The following OSBPL3 variants were observed in gnomAD, a reference collection of about 807,000 sequenced individuals.
The protein encoded by OSBPL3 is oxysterol-binding protein-related protein 3.
OSBPL3 carries 65 observed loss-of-function variants against 120.1 expected under a neutral mutation model. That is an observed-to-expected ratio of 0.54 (90% CI 0.44 to 0.67). The LOEUF is 0.67. Ranked by LOEUF, OSBPL3 falls within the 30% of genes least tolerant of loss-of-function variation. OSBPL3 has a pLI of 0.00. For synonymous variants in OSBPL3, 416 were observed against 402.6 expected (o/e 1.03, Z -0.40); for missense variants, 1,004 against 1,082.1 (o/e 0.93, Z 1.01).
chr7:24,917,394 T>TATATATATATATATATATATATATATATA (rs1809728645), intron 1 of OSBPL3, among the ~76,000 whole-genome samples: 1 of 92,690 alleles, frequency 1.1e-5, no homozygotes, highest in African/African-American at 4.2e-5. Flanking sequence ...TATATATATA[T>TATATATATATATATATATATATATATATA]TTGTAACATA....
At position 24,899,239 on chromosome 7, in the gene OSBPL3, G is replaced by A. The variant is rs1806628045; in HGVS notation, c.-149-6618C>T. ...AAAGACAAGCTCTAGGTGTGGTCTG[G>A]ACAGAGCAGAAGAGAAGGCAATGAC... On this transcript the variant is annotated intron_variant, in intron 1 of 22. Coordinates refer to ENST00000313367, the MANE Select transcript of OSBPL3 (RefSeq NM_015550.4). The surrounding 1 kb of genome is among the most constrained non-coding windows in gnomAD (Gnocchi z 4.0). 6.6e-6 allele frequency among the ~76,000 whole-genome samples: 1 copy of A among 152,138 alleles called. No homozygotes were observed. The highest frequency in any genetic ancestry group is 1.5e-5 in the Non-Finnish European group (1 of 68,022).
In OSBPL3 at chr7:24,872,285, C is replaced by CT. The variant is rs1015638823; in HGVS notation, c.97-217dup. 7.2e-4 allele frequency among the ~76,000 whole-genome samples: 106 copies of CT among 146,926 alleles called. No individual in the cohort carries two copies. Among genetic ancestry groups the CT allele is most frequent in the Middle Eastern group, 3.4e-3 (1 of 290 alleles). On this transcript the variant is annotated intron_variant, in intron 2 of 22. Transcript: ENST00000313367. The surrounding 1 kb of genome is among the most constrained non-coding windows in gnomAD (Gnocchi z 4.1). The stretch of plus-strand genomic sequence containing the variant: ...ATCAAATTTTGGTTTTTTTAAAGCT[C>CT]TTTTTTTTTTAGAAGGGAATGTTTC...
Position 24,833,497 on chromosome 7 carries a change from G to A in OSBPL3, c.1746+989C>T, listed in dbSNP as rs1287668364. On this transcript the variant is annotated intron_variant, in intron 15 of 22. Coordinates refer to ENST00000313367, the MANE Select transcript of OSBPL3 (RefSeq NM_015550.4). This position sits in a 1 kb window ranked among gnomAD's most constrained non-coding sequence, Gnocchi z 4.4. ...TTGAAGTAATGATGTTTTAATGAGCGCTAGAACTGCAGAATGCTTAGAATG... is the reference window on the plus strand; with the variant it reads ...TTGAAGTAATGATGTTTTAATGAGCACTAGAACTGCAGAATGCTTAGAATG... Among the ~76,000 whole-genome samples the A allele has an allele frequency of 4.6e-5, 7 of 152,190 alleles. No individual in the cohort carries two copies. In the South Asian group the frequency reaches 8.3e-4, roughly 18 times the overall value.
intron 1 of OSBPL3, among the ~76,000 whole-genome samples, chr7:24,919,263 C>G (rs1373686398): frequency 6.6e-6 from 1 of 152,068 alleles, no homozygotes; most frequent in Non-Finnish European, 1.5e-5. Context: ...CAAGTTACTA[C>G]AAAGCTACAG....
rs1410247457 is a variant in OSBPL3, at chr7:24,937,049, T to C, written c.-150+42837A>G. On this transcript the variant is annotated intron_variant, in intron 1 of 22. Coordinates refer to ENST00000313367, the MANE Select transcript of OSBPL3 (RefSeq NM_015550.4). This position sits in a 1 kb window ranked among gnomAD's most constrained non-coding sequence, Gnocchi z 4.0. ...TAATTTATAAAGGAAAGAGGTTTAATTGACTCACAGTTCAGCATGGCTGGG... is the reference window on the plus strand; with the variant it reads ...TAATTTATAAAGGAAAGAGGTTTAACTGACTCACAGTTCAGCATGGCTGGG... Among the ~76,000 whole-genome samples, 3 of 152,304 alleles carry C rather than the reference T, an allele frequency of 2.0e-5. No homozygotes were observed. Among genetic ancestry groups the C allele is most frequent in the Admixed American group, 6.5e-5 (1 of 15,294 alleles).
At chr7:24,868,681 G>A (rs1584443851) in intron 5 of OSBPL3, among the ~76,000 whole-genome samples, 1 of 152,136 alleles carries the variant, frequency 6.6e-6, no homozygotes, top group Admixed American at 6.5e-5. Flanking sequence ...GCTTTTTAAT[G>A]TGTCATTTAC....
chr7:24,905,149 C>T (rs370019092), intron 1 of OSBPL3, among the ~76,000 whole-genome samples: 2 of 152,040 alleles, frequency 1.3e-5, no homozygotes, highest in African/African-American at 2.4e-5. Context: ...AGAAGATAAG[C>T]TTCTGGGTGT....
At position 24,964,336 on chromosome 7, in the gene OSBPL3, T is replaced by C. The variant is rs1816138632; in HGVS notation, c.-150+15550A>G. 6.6e-6 allele frequency among the ~76,000 whole-genome samples: 1 copy of C among 152,194 alleles called. No individual in the cohort carries two copies. The highest frequency in any genetic ancestry group is 1.5e-5 in the Non-Finnish European group (1 of 68,044). On this transcript the variant is annotated intron_variant, in intron 1 of 22. Transcript: ENST00000313367. This position sits in a 1 kb window ranked among gnomAD's most constrained non-coding sequence, Gnocchi z 4.2. ...CCTGACAAACACTACCTCAACCAGA[T>C]GAGCAAGGTCAACATAACCAAAACT...
chr7:24,866,263 G>C, intron 5 of OSBPL3, 26 bp from the exon 6 acceptor site: 1 of 1,514,494 alleles, frequency 6.6e-7, no homozygotes, highest in Non-Finnish European at 9.2e-7. Flanking sequence ...TTGAAAAAAG[G>C]AAACAAGAGA....
chr7:24,978,943 G>T (rs1484601104), intron 1 of OSBPL3, among the ~76,000 whole-genome samples: 2 of 152,242 alleles, frequency 1.3e-5, no homozygotes, highest in Non-Finnish European at 2.9e-5. Context: ...GCCGAAGGAA[G>T]GGCGGCGCGC....
chr7:24,811,143 C>A (rs915439587), intron 19 of OSBPL3, among the ~76,000 whole-genome samples: 1 of 152,234 alleles, frequency 6.6e-6, no homozygotes, highest in Non-Finnish European at 1.5e-5. Flanking sequence ...TACATTTCCA[C>A]AAATGGTGTG....
At position 24,877,908 on chromosome 7, in the gene OSBPL3, G is replaced by A. The variant is rs116287308; in HGVS notation, c.97-5839C>T. 6.9e-3 allele frequency among the ~76,000 whole-genome samples: 1,057 copies of A among 152,282 alleles called. 15 individuals are homozygous for A. The highest frequency in any genetic ancestry group is 0.024 in the African/African-American group (1,001 of 41,548). Reference sequence around the variant, plus strand: ...CTGCACTGATGTCTCATCCTGTGGGGTGTCAAGCTTAAAGGTCACCATGAA... The same window carrying A: ...CTGCACTGATGTCTCATCCTGTGGGATGTCAAGCTTAAAGGTCACCATGAA... On this transcript the variant is annotated intron_variant, in intron 2 of 22. Coordinates refer to ENST00000313367, the MANE Select transcript of OSBPL3 (RefSeq NM_015550.4). This position sits in a 1 kb window ranked among gnomAD's most constrained non-coding sequence, Gnocchi z 4.8.
chr7:24,963,011 C>T (rs1380453911), intron 1 of OSBPL3, among the ~76,000 whole-genome samples: 1 of 151,902 alleles, frequency 6.6e-6, no homozygotes, highest in Non-Finnish European at 1.5e-5. Context: ...TAAGGTTGTC[C>T]CTTATTATTC....
intron 16 of OSBPL3, among the ~76,000 whole-genome samples, chr7:24,823,657 T>C (rs1795373298): frequency 6.6e-6 from 1 of 152,222 alleles, no homozygotes; most frequent in African/African-American, 2.4e-5. Flanking sequence ...TCTCGCATAT[T>C]TCTTTGTAAA....
intron 7 of OSBPL3, among the ~76,000 whole-genome samples, chr7:24,864,724 G>C (rs186870097): frequency 5.3e-5 from 8 of 152,094 alleles, no homozygotes; most frequent in Non-Finnish European, 1.2e-4. Flanking sequence ...TCCCAGTCCC[G>C]CTGTGGATCT....
At position 24,940,179 on chromosome 7, in the gene OSBPL3, T is replaced by C. The variant is rs1238309011; in HGVS notation, c.-150+39707A>G. 6.6e-6 allele frequency among the ~76,000 whole-genome samples: 1 copy of C among 152,146 alleles called. No homozygotes were observed. Among genetic ancestry groups the C allele is most frequent in the Non-Finnish European group, 1.5e-5 (1 of 68,006 alleles). ...CTGCTACAAAAAAAATGGGAAAGGGTTTGAACTTTGGATCTGAAAATATAT... is the reference window on the plus strand; with the variant it reads ...CTGCTACAAAAAAAATGGGAAAGGGCTTGAACTTTGGATCTGAAAATATAT... On this transcript the variant is annotated intron_variant, in intron 1 of 22. Transcript: ENST00000313367. The surrounding 1 kb of genome is among the most constrained non-coding windows in gnomAD (Gnocchi z 4.4).
In OSBPL3 at chr7:24,891,305, T is replaced by C. The variant is rs1396491811; in HGVS notation, c.96+1072A>G. Reference sequence around the variant, plus strand: ...GGGAGATCCTGGAGGGCTTCCCAAATGTCAGGTCTGTGGCAAAATCTAATT... The same window carrying C: ...GGGAGATCCTGGAGGGCTTCCCAAACGTCAGGTCTGTGGCAAAATCTAATT... On this transcript the variant is annotated intron_variant, in intron 2 of 22. Coordinates refer to ENST00000313367, the MANE Select transcript of OSBPL3 (RefSeq NM_015550.4). The surrounding 1 kb of genome is among the most constrained non-coding windows in gnomAD (Gnocchi z 4.1). Among the ~76,000 whole-genome samples, 5 of 152,072 alleles carry C rather than the reference T, an allele frequency of 3.3e-5. No individual in the cohort carries two copies. Among genetic ancestry groups the C allele is most frequent in the African/African-American group, 9.7e-5 (4 of 41,398 alleles).
rs1449032421 is a variant in OSBPL3 at position 24,967,692 on chromosome 7, G to C, written c.-150+12194C>G. ...TTACCCTTCCCCTACCTACCTCTTGGCTTACCTTCCCCAAGGTACTACAGG... is the reference window on the plus strand; with the variant it reads ...TTACCCTTCCCCTACCTACCTCTTGCCTTACCTTCCCCAAGGTACTACAGG... On this transcript the variant is annotated intron_variant, in intron 1 of 22. Transcript: ENST00000313367. This position sits in a 1 kb window ranked among gnomAD's most constrained non-coding sequence, Gnocchi z 5.6. 1.3e-5 allele frequency among the ~76,000 whole-genome samples: 2 copies of C among 151,802 alleles called. No individual in the cohort carries two copies. The highest frequency in any genetic ancestry group is 4.8e-5 in the African/African-American group (2 of 41,264).
At position 24,900,624 on chromosome 7, in the gene OSBPL3, C is replaced by A. The variant is rs993028263; in HGVS notation, c.-149-8003G>T. Among the ~76,000 whole-genome samples, 1 of 152,118 alleles carries A rather than the reference C, an allele frequency of 6.6e-6. No individual in the cohort carries two copies. The highest frequency in any genetic ancestry group is 2.4e-5 in the African/African-American group (1 of 41,422). On this transcript the variant is annotated intron_variant, in intron 1 of 22. Coordinates refer to ENST00000313367, the MANE Select transcript of OSBPL3 (RefSeq NM_015550.4). This position sits in a 1 kb window ranked among gnomAD's most constrained non-coding sequence, Gnocchi z 4.5. Reference sequence around the variant, plus strand: ...TGTGCTTCCAGTCTCCACTCCCAAGCTTTGTCATCATGGCAAAATTCCTCA... The same window carrying A: ...TGTGCTTCCAGTCTCCACTCCCAAGATTTGTCATCATGGCAAAATTCCTCA...
Sources: allele counts gnomAD v4.1 joint callset (sites outside exome capture counted in the v4.1 genomes callset), GRCh38; gene constraint gnomAD v4.1.1; non-coding constraint Gnocchi (gnomAD v3.1); transcripts MANE v1.5; gene names NCBI Gene and HGNC (gene_info 2026-07-23, HGNC 2026-07-21).